The following MLLT1 variants were observed in gnomAD, a reference collection of about 807,000 sequenced individuals.
The protein encoded by MLLT1 is protein ENL.
MLLT1 carries 11 observed loss-of-function variants against 55.1 expected under a neutral mutation model. The observed-to-expected ratio is 0.20, with a 90% CI of 0.13 to 0.33. The LOEUF is 0.33. Ranked by LOEUF, MLLT1 falls within the 10% of genes least tolerant of loss-of-function variation. MLLT1 has a pLI of 1.00. For missense variants in MLLT1, 536 were observed against 760.6 expected, an observed-to-expected ratio of 0.70 and a Z score of 3.47; for synonymous variants, 323 against 320.1, an observed-to-expected ratio of 1.01 and a Z score of -0.10.
chr19:6,244,740 C>G (rs1299879553), intron 3 of MLLT1, among the ~76,000 whole-genome samples: 1 of 152,092 alleles, frequency 6.6e-6, no homozygotes, highest in Non-Finnish European at 1.5e-5. Context: ...AAGAAAACAG[C>G]TAACCCAATT....
intron 3 of MLLT1, among the ~76,000 whole-genome samples, chr19:6,244,835 G>C (rs1297934465): frequency 6.6e-6 from 1 of 152,042 alleles, no homozygotes. Flanking sequence ...ACATGAAAAC[G>C]ATGCTCATTA....
At chr19:6,238,340 G>C (rs2091082384) in intron 3 of MLLT1, among the ~76,000 whole-genome samples, 1 of 152,208 alleles carries the variant, frequency 6.6e-6, no homozygotes, top group Admixed American at 6.5e-5. Flanking sequence ...ATGATATTGT[G>C]GTTAGGGTTT....
At chr19:6,246,819 C>G (rs943685049) in intron 3 of MLLT1, among the ~76,000 whole-genome samples, 2 of 152,126 alleles carry the variant, frequency 1.3e-5, no homozygotes, top group Admixed American at 6.5e-5. Flanking sequence ...CTGAGACTGA[C>G]GAAGCTAACT....
intron 3 of MLLT1, among the ~76,000 whole-genome samples, chr19:6,244,636 A>G (rs577181871): frequency 1.3e-5 from 2 of 152,366 alleles, no homozygotes; most frequent in South Asian, 4.1e-4. Context: ...GAATGAGAAG[A>G]TAAGCCACAG....
intron 2 of MLLT1, among the ~76,000 whole-genome samples, chr19:6,269,528 C>G (rs1005764049): frequency 6.6e-6 from 1 of 152,214 alleles, no homozygotes; most frequent in Non-Finnish European, 1.5e-5. Context: ...CTGAGGGAAT[C>G]GCAGGTGGGC....
intron 4 of MLLT1, among the ~76,000 whole-genome samples, chr19:6,228,249 G>A (rs766167100): frequency 2.6e-5 from 4 of 152,178 alleles, no homozygotes; most frequent in Admixed American, 2.0e-4. Context: ...ATGCACAGAC[G>A]GGCTTGCCAG....
chr19:6,267,475 GAC>G (rs2091358082), intron 2 of MLLT1, among the ~76,000 whole-genome samples: 2 of 151,678 alleles, frequency 1.3e-5, no homozygotes, highest in Admixed American at 6.6e-5. Context: ...GTATGCTAAA[GAC>G]ACAATGCAAA....
chr19:6,218,180 C>T (rs537473352), intron 6 of MLLT1, 139 bp from the exon 7 acceptor site: 48 of 1,304,978 alleles, frequency 3.7e-5, no homozygotes, highest in South Asian at 3.2e-4. Context: ...AGGGTACCCA[C>T]GTGTGCCGCT....
chr19:6,261,955 C>T (rs1315083560), intron 3 of MLLT1, among the ~76,000 whole-genome samples: 1 of 152,212 alleles, frequency 6.6e-6, no homozygotes, highest in African/African-American at 2.4e-5. Context: ...ACTGCTGGCA[C>T]ATTTTCTAGG....
Position 6,214,001 on chromosome 19 carries a change from C to G in MLLT1, c.1345G>C (p.Asp449His), listed in dbSNP as rs559595286. The G allele has an allele frequency of 1.4e-6, 2 of 1,454,876 alleles. No homozygotes were observed. The highest frequency in any genetic ancestry group is 9.0e-7 in the Non-Finnish European group (1 of 1,105,282). 90.1% of individuals were successfully genotyped at this position (1,454,876 alleles called of 1,614,324 possible). The change falls in exon 9 of 12, where the codon GAC becomes CAC. Residue 449 changes from aspartate to histidine, a missense_variant. Transcript: ENST00000252674. ...FSDSESDNSADSSLPSREPPP... is the reference protein window; with the variant it reads ...FSDSESDNSAHSSLPSREPPP... ...GGCTCACGGCTGGGCAGGGAGGAGT[C>G]GGCGCTGTTGTCACTCTCGCTGTCG...
intron 3 of MLLT1, among the ~76,000 whole-genome samples, chr19:6,237,601 C>CA (rs1232206376): frequency 0.02 from 1,942 of 97,162 alleles, 26 homozygotes; most frequent in African/African-American, 0.052. Context: ...ACTAAAAATA[C>CA]AAAAAAAAAA....
intron 2 of MLLT1, among the ~76,000 whole-genome samples, chr19:6,267,171 G>A (rs560112362): frequency 1.3e-5 from 2 of 151,346 alleles, no homozygotes; most frequent in African/African-American, 4.9e-5. Flanking sequence ...GCATGATCTC[G>A]GCTCACTGCA....
intron 3 of MLLT1, among the ~76,000 whole-genome samples, chr19:6,242,875 T>C (rs1259985057): frequency 6.6e-6 from 1 of 152,076 alleles, no homozygotes; most frequent in African/African-American, 2.4e-5. Context: ...GCCACTGTCA[T>C]CTCAGATGAC....
intron 8 of MLLT1, among the ~76,000 whole-genome samples, chr19:6,214,251 C>T (rs1439354881): frequency 6.6e-6 from 1 of 152,200 alleles, no homozygotes; most frequent in Non-Finnish European, 1.5e-5. Flanking sequence ...CACCCAGAGG[C>T]CCTTTGGGGG....
chr19:6,222,819 T>A lies in MLLT1; in HGVS notation c.547-135A>T. The A allele has an allele frequency of 3.1e-6, 2 of 643,194 alleles. No homozygotes were observed. The highest frequency in any genetic ancestry group is 2.4e-6 in the Non-Finnish European group (1 of 420,520). The allele number at this position is 643,194 out of a possible 1,614,324, so 39.8% of individuals were successfully genotyped here. A position where few individuals can be genotyped will look rare whatever the true frequency, so the allele number is the denominator to read the frequency against. On this transcript the variant is annotated intron_variant, in intron 5 of 11. Coordinates refer to ENST00000252674, the MANE Select transcript of MLLT1 (RefSeq NM_005934.4). The surrounding 1 kb of genome is among the most constrained non-coding windows in gnomAD (Gnocchi z 4.1). The stretch of plus-strand genomic sequence containing the variant: ...AGCCTCAGCTAGAGAAACTCTTCCA[T>A]AAAGCAAAAAGGTAAGGCAGTAGGT...
At chr19:6,279,048 C>A (rs2091443128) in intron 1 of MLLT1, among the ~76,000 whole-genome samples, 1 of 152,000 alleles carries the variant, frequency 6.6e-6, no homozygotes, top group African/African-American at 2.4e-5. Flanking sequence ...GCCCTGGCTG[C>A]AGCCGGGGCA....
At chr19:6,243,657 G>A (rs1600196245) in intron 3 of MLLT1, among the ~76,000 whole-genome samples, 1 of 114,942 alleles carries the variant, frequency 8.7e-6, no homozygotes, top group Admixed American at 7.7e-5. Flanking sequence ...CCTCACACTC[G>A]CCCCAGCCCC....
intron 3 of MLLT1, among the ~76,000 whole-genome samples, chr19:6,246,180 T>A (rs1350810398): frequency 6.6e-6 from 1 of 150,592 alleles, no homozygotes; most frequent in Non-Finnish European, 1.5e-5. Context: ...GAACTCTTCC[T>A]GCTGATGAGG....
At chr19:6,214,686 C>G (rs1176287845) in intron 8 of MLLT1, among the ~76,000 whole-genome samples, 1 of 152,184 alleles carries the variant, frequency 6.6e-6, no homozygotes, top group African/African-American at 2.4e-5. Context: ...CCATTTTTCT[C>G]TCACTCTGCG....
Sources: gnomAD v4.1 joint callset for allele counts (sites outside exome capture counted in the v4.1 genomes callset) on GRCh38, gnomAD v4.1.1 for gene constraint, Gnocchi (gnomAD v3.1) non-coding constraint, MANE v1.5 for transcripts, NCBI Gene and HGNC (gene_info 2026-07-23, HGNC 2026-07-21) for gene names.